The following NRXN2 variants were observed in gnomAD, a reference collection of about 807,000 sequenced individuals.
The protein encoded by NRXN2 is neurexin 2.
A neutral mutation model predicts 128.8 loss-of-function variants in NRXN2; 29 were observed. The ratio of observed to expected loss-of-function variants is 0.23; its 90% confidence interval spans 0.17 to 0.31. The LOEUF is 0.31. Among genes scored for constraint, NRXN2 ranks in the 10% least tolerant of loss-of-function variants. NRXN2 has a pLI of 1.00. For missense variants in NRXN2, 1,881 were observed against 2,452.6 expected (o/e 0.77, Z 4.92); for synonymous variants, 1,098 against 1,075.2 (o/e 1.02, Z -0.41).
chr11:64,610,616 T>C (rs528942065), intron 22 of NRXN2, among the ~76,000 whole-genome samples: 101 of 152,246 alleles, frequency 6.6e-4, no homozygotes, highest in African/African-American at 2.3e-3. Context: ...TCTATAAAAC[T>C]GGGGTATTAG....
At chr11:64,668,821 C>A (rs953561816) in intron 7 of NRXN2, among the ~76,000 whole-genome samples, 7 of 152,146 alleles carry the variant, frequency 4.6e-5, no homozygotes, top group Admixed American at 3.9e-4. Flanking sequence ...GGGCTAAGAC[C>A]TGCCCTCTGG....
intron 12 of NRXN2, 38 bp from the exon 13 acceptor site, chr11:64,652,192 C>A: frequency 6.3e-7 from 1 of 1,593,520 alleles, no homozygotes; most frequent in Non-Finnish European, 8.5e-7. Context: ...GGCACCTATA[C>A]ATGCTCATAG....
At position 64,667,801 on chromosome 11, in the gene NRXN2, G is replaced by A; in HGVS notation, c.1360-113C>T. ...CCAGCCACCCACCCCTGTAGCCCCT[G>A]CTCAGTTCCACCAGACCACCCGCTT... is the stretch of plus-strand genomic sequence containing the variant. On this transcript the variant is annotated intron_variant, in intron 8 of 22. Coordinates refer to ENST00000265459, the MANE Select transcript of NRXN2 (RefSeq NM_015080.4). This position sits in a 1 kb window ranked among gnomAD's most constrained non-coding sequence, Gnocchi z 5.6. 1 of 975,972 alleles carries A rather than the reference G, an allele frequency of 1.0e-6. No individual in the cohort carries two copies. Among genetic ancestry groups the A allele is most frequent in the Non-Finnish European group, 1.6e-6 (1 of 629,154 alleles). 60.5% of individuals were successfully genotyped at this position (975,972 alleles called of 1,614,324 possible).
intron 15 of NRXN2, among the ~76,000 whole-genome samples, chr11:64,649,847 T>C (rs1301654625): frequency 1.3e-5 from 2 of 152,080 alleles, no homozygotes; most frequent in Admixed American, 6.6e-5. Context: ...TGCTCAGGCC[T>C]TAGCTCACCC....
At chr11:64,658,707 G>A (rs927516194) in intron 11 of NRXN2, among the ~76,000 whole-genome samples, 1 of 152,242 alleles carries the variant, frequency 6.6e-6, no homozygotes, top group African/African-American at 2.4e-5. Flanking sequence ...CCAATGTTAG[G>A]ATGAGACTCC....
At chr11:64,608,148 C>G (rs1591434639) in intron 22 of NRXN2, 66 bp from the exon 23 acceptor site, 2 of 1,237,844 alleles carry the variant, frequency 1.6e-6, no homozygotes, top group Non-Finnish European at 2.3e-6. Flanking sequence ...GCGGCCGGCA[C>G]AGAGAGAGAA....
At chr11:64,696,563 A>ACC (rs780697279) in intron 3 of NRXN2, among the ~76,000 whole-genome samples, 9 of 148,480 alleles carry the variant, frequency 6.1e-5, no homozygotes, top group Non-Finnish European at 1.3e-4. Context: ...ACACACACAC[A>ACC]CCTGCCTGCT....
At position 64,651,985 on chromosome 11, in the gene NRXN2, A is replaced by G. The variant is rs1198762184; in HGVS notation, c.2536+50T>C. 6.2e-7 allele frequency: 1 copy of G among 1,604,320 alleles called. No individual in the cohort carries two copies. Among genetic ancestry groups the G allele is most frequent in the Non-Finnish European group, 8.5e-7 (1 of 1,179,788 alleles). Reference sequence around the variant, plus strand: ...GTAGTCACCAAGTAGAACAGGGCCAAGCATAGGTCACTGGAGATGTGTCCA... The same window carrying G: ...GTAGTCACCAAGTAGAACAGGGCCAGGCATAGGTCACTGGAGATGTGTCCA... On this transcript the variant is annotated intron_variant, in intron 13 of 22. Transcript: ENST00000265459. The surrounding 1 kb of genome is among the most constrained non-coding windows in gnomAD (Gnocchi z 5.9).
At chr11:64,617,162 G>GTT (rs1491226260) in intron 22 of NRXN2, among the ~76,000 whole-genome samples, 4 of 134,226 alleles carry the variant, frequency 3.0e-5, no homozygotes, top group African/African-American at 1.6e-4. Context: ...AGGTTTGAAC[G>GTT]TGTGTGTGTG....
At chr11:64,721,373 G>A (rs890072944) in intron 1 of NRXN2, among the ~76,000 whole-genome samples, 7 of 152,038 alleles carry the variant, frequency 4.6e-5, no homozygotes, top group South Asian at 2.1e-4. Flanking sequence ...AGAACTGCCC[G>A]GCAGCCGTGG....
At chr11:64,683,547 G>A (rs2052591285) in intron 6 of NRXN2, among the ~76,000 whole-genome samples, 1 of 151,274 alleles carries the variant, frequency 6.6e-6, no homozygotes, top group Non-Finnish European at 1.5e-5. Flanking sequence ...TATAACCTGG[G>A]AGACAGAGGT....
At position 64,622,665 on chromosome 11, in the gene NRXN2, C is replaced by T. The variant is rs1473003117; in HGVS notation, c.4173+88G>A. On this transcript the variant is annotated intron_variant, in intron 21 of 22. Coordinates refer to ENST00000265459, the MANE Select transcript of NRXN2 (RefSeq NM_015080.4). The surrounding 1 kb of genome is among the most constrained non-coding windows in gnomAD (Gnocchi z 4.3). ...TCCCAACAGACCCCTTGGACCCTCACTCTAGGCACCACTACTGTGGCTATG... is the reference window on the plus strand; with the variant it reads ...TCCCAACAGACCCCTTGGACCCTCATTCTAGGCACCACTACTGTGGCTATG... 1.0e-5 allele frequency: 16 copies of T among 1,526,880 alleles called. No individual in the cohort carries two copies. The highest frequency in any genetic ancestry group is 1.4e-5 in the Non-Finnish European group (16 of 1,132,126). 94.6% of individuals were successfully genotyped at this position (1,526,880 alleles called of 1,614,324 possible). A position where few individuals can be genotyped will look rare whatever the true frequency, so the allele number is the denominator to read the frequency against.
intron 6 of NRXN2, among the ~76,000 whole-genome samples, chr11:64,683,835 C>T (rs1021812724): frequency 2.6e-5 from 4 of 152,080 alleles, no homozygotes. Context: ...CTCCGGGAAC[C>T]CCAGGAAGAA....
intron 7 of NRXN2, among the ~76,000 whole-genome samples, chr11:64,671,363 C>A (rs2050602175): frequency 6.6e-6 from 1 of 152,102 alleles, no homozygotes; most frequent in Admixed American, 6.5e-5. Flanking sequence ...ATTAGTAAAA[C>A]CCGACTGTTC....
chr11:64,673,234 T>C (rs973682857), intron 7 of NRXN2, among the ~76,000 whole-genome samples: 1 of 152,172 alleles, frequency 6.6e-6, no homozygotes, highest in Non-Finnish European at 1.5e-5. Context: ...AGAGTCCCAG[T>C]GTGTGTACAA....
chr11:64,673,351 C>T (rs1387475342), intron 7 of NRXN2, among the ~76,000 whole-genome samples: 1 of 152,150 alleles, frequency 6.6e-6, no homozygotes, highest in Non-Finnish European at 1.5e-5. Context: ...CCACCCTCTC[C>T]CCCAAGAAGA....
chr11:64,708,298 C>T (rs1326291117), intron 2 of NRXN2, among the ~76,000 whole-genome samples: 1 of 152,174 alleles, frequency 6.6e-6, no homozygotes, highest in Non-Finnish European at 1.5e-5. Context: ...TCCTATTTTT[C>T]TCCTGAGCAA....
chr11:64,645,405 A>G (rs1212146), intron 17 of NRXN2, among the ~76,000 whole-genome samples: 49,619 of 151,736 alleles, frequency 0.33, 10,374 homozygotes, highest in African/African-American at 0.59. Context: ...ATCAATAGAG[A>G]CTGCAGAGAT....
intron 17 of NRXN2, among the ~76,000 whole-genome samples, chr11:64,636,641 GGAGA>G (rs1239787383): frequency 6.6e-6 from 1 of 152,108 alleles, no homozygotes; most frequent in Non-Finnish European, 1.5e-5. Flanking sequence ...ACTTAAAGAA[GGAGA>G]GAAACAGATG....
Sources: gnomAD v4.1 joint callset for allele counts (sites outside exome capture counted in the v4.1 genomes callset) on GRCh38, gnomAD v4.1.1 for gene constraint, Gnocchi (gnomAD v3.1) non-coding constraint, MANE v1.5 for transcripts, NCBI Gene and HGNC (gene_info 2026-07-23, HGNC 2026-07-21) for gene names.